Variants in KREMEN1 observed in about 807,000 individuals in gnomAD.
The protein encoded by KREMEN1 is kringle containing transmembrane protein 1, also known as kremen protein 1.
KREMEN1 carries 30 observed loss-of-function variants against 46.5 expected under a neutral mutation model. The ratio of observed to expected loss-of-function variants is 0.65; its 90% CI spans 0.48 to 0.88. KREMEN1 has a LOEUF of 0.88. KREMEN1 is among the 40% of genes least tolerant of loss of function. KREMEN1 has a pLI of 0.00. For missense variants in KREMEN1, 533 were observed against 596.9 expected (o/e 0.89, Z 1.11); for synonymous variants, 214 against 230.6 (o/e 0.93, Z 0.65).
Position 29,098,855 on chromosome 22 carries a change from C to G in KREMEN1, c.261-7C>G, listed in dbSNP as rs770146917. 3 of 1,610,646 alleles carry G rather than the reference C, an allele frequency of 1.9e-6. No individual in the cohort carries two copies. The highest frequency in any genetic ancestry group is 2.2e-5 in the East Asian group (1 of 44,868). On this transcript the variant is annotated splice_region_variant and splice_polypyrimidine_tract_variant and intron_variant, in intron 2 of 8. Coordinates refer to ENST00000400335, the MANE Select transcript of KREMEN1 (RefSeq NM_001039570.3). ...GAAGTCATCAATTGTGTCCTTTTCC[C>G]CAACAGAAATCCAGATGGAGACGTG...
At position 29,145,797 on chromosome 22, in the gene KREMEN1, T is replaced by G. The variant is rs974574298; in HGVS notation, c.*3685T>G. On this transcript the variant is annotated 3_prime_UTR_variant, in exon 9 of 9. Transcript: ENST00000400335. ...TAACTTCTGAAGAGTGGGCTCTGGC[T>G]CAAGACTCCAATCGGCCAGAAGCCC... The G allele has an allele frequency of 1.0e-6, 1 of 985,484 alleles. No individual in the cohort carries two copies. Among genetic ancestry groups the G allele is most frequent in the African/African-American group, 1.7e-5 (1 of 57,336 alleles). 61.0% of individuals were successfully genotyped at this position (985,484 alleles called of 1,614,324 possible).
At chr22:29,141,504 G>A (rs571406873) in intron 8 of KREMEN1, among the ~76,000 whole-genome samples, 39 of 152,350 alleles carry the variant, frequency 2.6e-4, no homozygotes, top group African/African-American at 8.2e-4. Flanking sequence ...CCAGGCAGCC[G>A]TGGGGGCTGA....
chr22:29,121,497 C>T lies in KREMEN1; in HGVS notation c.477+16C>T. ...GAGGTTCAAGGTGATGACTCTGTGGCTGTGTAACTATAGAAAAATATAAAG... is the reference window on the plus strand; with the variant it reads ...GAGGTTCAAGGTGATGACTCTGTGGTTGTGTAACTATAGAAAAATATAAAG... On this transcript the variant is annotated intron_variant, in intron 4 of 8. Coordinates refer to ENST00000400335, the MANE Select transcript of KREMEN1 (RefSeq NM_001039570.3). The T allele has an allele frequency of 6.2e-7, 1 of 1,610,880 alleles. No individual in the cohort carries two copies. Among genetic ancestry groups the T allele is most frequent in the Admixed American group, 1.7e-5 (1 of 59,334 alleles).
downstream of KREMEN1, among the ~76,000 whole-genome samples, chr22:29,151,694 T>A (rs1448555365): frequency 6.6e-6 from 1 of 152,092 alleles, no homozygotes; most frequent in Non-Finnish European, 1.5e-5. Context: ...ATTCTTTTGA[T>A]TTTTTCCCCC....
chr22:29,146,025 G>A lies in KREMEN1; in HGVS notation c.*3913G>A, dbSNP rs1037003418. 23 of 985,708 alleles carry A rather than the reference G, an allele frequency of 2.3e-5. No individual in the cohort carries two copies. Among genetic ancestry groups the A allele is most frequent in the Middle Eastern group, 5.2e-4 (1 of 1,936 alleles). 61.1% of individuals were successfully genotyped at this position (985,708 alleles called of 1,614,324 possible). A position where few individuals can be genotyped will look rare whatever the true frequency, so the allele number is the denominator to read the frequency against. ...GGCACTGCACGCTTACTCTTCACAAGCACTTATACGCGGATGGCCTCCGAG... is the reference window on the plus strand; with the variant it reads ...GGCACTGCACGCTTACTCTTCACAAACACTTATACGCGGATGGCCTCCGAG... On this transcript the variant is annotated 3_prime_UTR_variant, in exon 9 of 9. Transcript: ENST00000400335.
chr22:29,116,173 A>G (rs527648988), intron 3 of KREMEN1, among the ~76,000 whole-genome samples: 1 of 152,300 alleles, frequency 6.6e-6, no homozygotes, highest in African/African-American at 2.4e-5. Context: ...TCTGGAATGT[A>G]CTGCAAAGAT....
At chr22:29,131,542 ATATATATATATATATATATGTG>A (rs2038535821) in intron 5 of KREMEN1, among the ~76,000 whole-genome samples, 2 of 46,660 alleles carry the variant, frequency 4.3e-5, no homozygotes, top group South Asian at 6.5e-4. Flanking sequence ...ATATATATAT[ATATATATATATATATATATGTG>A]TGTGTGTGTG....
chr22:29,147,253 C>G (rs192816505), downstream of KREMEN1, among the ~76,000 whole-genome samples: 87 of 152,246 alleles, frequency 5.7e-4, no homozygotes, highest in African/African-American at 1.9e-3. Context: ...AATTATTATC[C>G]CAGGTGGAAC....
intron 3 of KREMEN1, among the ~76,000 whole-genome samples, chr22:29,116,714 A>G (rs1569324077): frequency 6.6e-6 from 1 of 152,220 alleles, no homozygotes; most frequent in Non-Finnish European, 1.5e-5. Context: ...AATGACCAAG[A>G]TGATCATCAT....
intron 1 of KREMEN1, among the ~76,000 whole-genome samples, chr22:29,084,513 C>A (rs2037702709): frequency 6.6e-6 from 1 of 152,174 alleles, no homozygotes; most frequent in African/African-American, 2.4e-5. Context: ...TTCACAGTGA[C>A]AAGCATGGCA....
In KREMEN1 at chr22:29,146,536, G is replaced by T; in HGVS notation, c.*4424G>T. On this transcript the variant is annotated 3_prime_UTR_variant, in exon 9 of 9. Coordinates refer to ENST00000400335, the MANE Select transcript of KREMEN1 (RefSeq NM_001039570.3). ...AGCTGCCATCGTGGGTCTCATGCAC[G>T]TCAAGACCTTCCCACATCCAAACTC... 1 of 985,666 alleles carries T rather than the reference G, an allele frequency of 1.0e-6. No homozygotes were observed. The highest frequency in any genetic ancestry group is 1.2e-6 in the Non-Finnish European group (1 of 829,932). 61.1% of individuals were successfully genotyped at this position (985,666 alleles called of 1,614,324 possible).
rs1347559651 is a variant in KREMEN1 at position 29,073,724 on chromosome 22, T to C, written c.97+497T>C. The stretch of plus-strand genomic sequence containing the variant: ...TACCTCCTAGGATCCCGTCCCAAAA[T>C]CCCCAGCGACTCCCCACGGGCCAGG... On this transcript the variant is annotated intron_variant, in intron 1 of 8. Coordinates refer to ENST00000400335, the MANE Select transcript of KREMEN1 (RefSeq NM_001039570.3). The surrounding 1 kb of genome is among the most constrained non-coding windows in gnomAD (Gnocchi z 4.4). Among the ~76,000 whole-genome samples, 1 of 138,122 alleles carries C rather than the reference T, an allele frequency of 7.2e-6. No homozygotes were observed. Among genetic ancestry groups the C allele is most frequent in the Non-Finnish European group, 1.6e-5 (1 of 64,484 alleles). 90.6% of individuals were successfully genotyped at this position (138,122 alleles called of 152,430 possible). A position where few individuals can be genotyped will look rare whatever the true frequency, so the allele number is the denominator to read the frequency against.
In KREMEN1 at chr22:29,140,347, C is replaced by T; in HGVS notation, c.1189C>T (p.Leu397Phe). 3 of 1,613,670 alleles carry T rather than the reference C, an allele frequency of 1.9e-6. No homozygotes were observed. Among genetic ancestry groups the T allele is most frequent in the Non-Finnish European group, 2.5e-6 (3 of 1,179,526 alleles). The change falls in exon 8 of 9, where the codon CTT becomes TTT. Residue 397 changes from leucine (L) to phenylalanine (F), a missense_variant. By Grantham distance (22) the Leu-to-Phe change is conservative. Coordinates refer to ENST00000400335, the MANE Select transcript of KREMEN1 (RefSeq NM_001039570.3). ...AGTCACAGCCATTGTAGCAAAGATACTTCTGCACGTCACATTCAAGTGAGT... is the reference window on the plus strand; with the variant it reads ...AGTCACAGCCATTGTAGCAAAGATATTTCTGCACGTCACATTCAAGTGAGT... ...LTVTAIVAKI[L>F]LHVTFKSHRV...
intron 9 of KREMEN1, among the ~76,000 whole-genome samples, chr22:29,159,550 C>T (rs557871765): frequency 2.4e-4 from 37 of 152,144 alleles, no homozygotes; most frequent in South Asian, 1.0e-3. Context: ...ACCCAGGAGA[C>T]GGAGGTTGCA....
At chr22:29,163,874 A>G (rs1263717210) in intron 9 of KREMEN1, among the ~76,000 whole-genome samples, 1 of 152,148 alleles carries the variant, frequency 6.6e-6, no homozygotes, top group Non-Finnish European at 1.5e-5. Context: ...AGCATCACGC[A>G]ATACACCCAC....
chr22:29,092,475 G>A (rs191084267), intron 1 of KREMEN1, among the ~76,000 whole-genome samples: 139 of 152,306 alleles, frequency 9.1e-4, no homozygotes, highest in East Asian at 7.1e-3. Flanking sequence ...ATCCAAGGTC[G>A]CACAGCTGGT....
chr22:29,094,274 T>C lies in KREMEN1; in HGVS notation c.114T>C (p.Asn38=), dbSNP rs770789656. Reference sequence around the variant, plus strand: ...TTCTTCTAGAGTGTTTCACAGCCAATGGTGCGGATTATAGGGGAACACAGA... The same window carrying C: ...TTCTTCTAGAGTGTTTCACAGCCAACGGTGCGGATTATAGGGGAACACAGA... ...LGPGPECFTA[N]GADYRGTQNW... Residue 38 remains asparagine (N), a synonymous_variant, in exon 2 of 9, where the codon AAT becomes AAC. Coordinates refer to ENST00000400335, the MANE Select transcript of KREMEN1 (RefSeq NM_001039570.3). 6.2e-7 allele frequency: 1 copy of C among 1,607,854 alleles called. No homozygotes were observed. The highest frequency in any genetic ancestry group is 1.1e-5 in the South Asian group (1 of 89,534).
chr22:29,121,270 T>G lies in KREMEN1; in HGVS notation c.353-87T>G, dbSNP rs554993403. On this transcript the variant is annotated intron_variant, in intron 3 of 8. Transcript: ENST00000400335. ...TCAGGAGTGGAAATACTGGCTGAGA[T>G]GAAAGTACCTGGCACAAATCGCTTT... 2,531 of 1,512,212 alleles carry G rather than the reference T, an allele frequency of 1.7e-3. 4 individuals carry two copies. Among genetic ancestry groups the G allele is most frequent in the Non-Finnish European group, 2.2e-3 (2,426 of 1,105,068 alleles). The allele number at this position is 1,512,212 out of a possible 1,614,324, so 93.7% of individuals were successfully genotyped here.
intron 3 of KREMEN1, among the ~76,000 whole-genome samples, chr22:29,118,315 G>C (rs5752868): frequency 0.36 from 54,884 of 151,990 alleles, 11,400 homozygotes; most frequent in East Asian, 0.64. Context: ...ATCCCATCAA[G>C]TTTGCCACAT....
Sources: allele counts gnomAD v4.1 joint callset (sites outside exome capture counted in the v4.1 genomes callset), GRCh38; gene constraint gnomAD v4.1.1; non-coding constraint Gnocchi (gnomAD v3.1); transcripts MANE v1.5; gene names NCBI Gene and HGNC (gene_info 2026-07-23, HGNC 2026-07-21).